ARID4B: variants seen among roughly 807,000 people sequenced by gnomAD.
The protein encoded by ARID4B is AT-rich interactive domain-containing protein 4B.
In ARID4B, 26 loss-of-function variants were observed where a neutral mutation model predicts 147.5. That is an observed-to-expected ratio of 0.18 (90% confidence interval 0.13 to 0.24). The LOEUF is 0.24. Among genes scored for constraint, ARID4B ranks in the 10% least tolerant of loss-of-function variants. The pLI is 1.00. For synonymous variants in ARID4B, 512 were observed against 507.9 expected (o/e 1.01, Z -0.11); for missense variants, 1,179 against 1,511.5 (o/e 0.78, Z 3.65).
At position 235,194,131 on chromosome 1, in the gene ARID4B, T is replaced by A; in HGVS notation, c.2007A>T (p.Pro669=). Residue 669 remains proline, a synonymous_variant, in exon 19 of 24, where the codon CCA becomes CCT. Transcript: ENST00000264183. ...NCKLRRLSKP[P]FQTNPSPEMV... ...TTTCAGGAGATGGATTTGTCTGAAA[T>A]GGTGGTTTGGACAAGCGCCGAAGTT... 1 of 1,613,442 alleles carries A rather than the reference T, an allele frequency of 6.2e-7. No individual in the cohort carries two copies. The highest frequency in any genetic ancestry group is 1.3e-5 in the African/African-American group (1 of 75,020).
At chr1:235,257,433 T>C (rs1407549591) in intron 3 of ARID4B, among the ~76,000 whole-genome samples, 1 of 152,088 alleles carries the variant, frequency 6.6e-6, no homozygotes, top group Non-Finnish European at 1.5e-5. Context: ...AAGTAATCAA[T>C]GATAGCACAT....
chr1:235,196,853 CAAAAA>C (rs34581094), intron 17 of ARID4B, among the ~76,000 whole-genome samples: 3 of 88,578 alleles, frequency 3.4e-5, no homozygotes, highest in African/African-American at 1.4e-4. Context: ...CTCTGTTTCA[CAAAAA>C]AAAAAAAAAA....
chr1:235,213,754 T>C lies in ARID4B; in HGVS notation c.1841+15A>G. ...TTGTTTTTAGGTAATAATCACTAGCTAAAACTCAAGTTACCTCACATTCCA... is the reference window on the plus strand; with the variant it reads ...TTGTTTTTAGGTAATAATCACTAGCCAAAACTCAAGTTACCTCACATTCCA... On this transcript the variant is annotated intron_variant, in intron 17 of 23. Transcript: ENST00000264183. 2 of 1,602,930 alleles carry C rather than the reference T, an allele frequency of 1.2e-6. No homozygotes were observed. Among genetic ancestry groups the C allele is most frequent in the Non-Finnish European group, 1.7e-6 (2 of 1,173,470 alleles).
rs1380431778 is a variant in ARID4B, at chr1:235,182,684, T to C, written c.2235A>G (p.Arg745=). ...ESKIDHLTNN[R]NDLISKEEQN... ...GTTCCTCCTTTGAAATAAGATCATT[T>C]CTGTTGTTGGTCAAATGATCAATCT... The change falls in exon 20 of 24, where the codon AGA becomes AGG. Residue 745 remains arginine, a synonymous_variant. Coordinates refer to ENST00000264183, the MANE Select transcript of ARID4B (RefSeq NM_016374.6). The C allele has an allele frequency of 6.2e-7, 1 of 1,613,748 alleles. No homozygotes were observed.
At position 235,227,946 on chromosome 1, in the gene ARID4B, C is replaced by T. The variant is rs529817592; in HGVS notation, c.897+1285G>A. Among the ~76,000 whole-genome samples the T allele has an allele frequency of 3.4e-4, 52 of 151,540 alleles. 1 individual carries two copies. The South Asian group carries it at 8.6e-3, about 25-fold the overall frequency. Reference sequence around the variant, plus strand: ...CTCCCGGGTTCAAGCAATTCTACTGCCTCAGCCTCCCGAGTAGCTGGGATT... The same window carrying T: ...CTCCCGGGTTCAAGCAATTCTACTGTCTCAGCCTCCCGAGTAGCTGGGATT... On this transcript the variant is annotated intron_variant, in intron 11 of 23. Coordinates refer to ENST00000264183, the MANE Select transcript of ARID4B (RefSeq NM_016374.6).
rs925591735 is a variant in ARID4B, at chr1:235,230,441, CAAAAA to C, written c.742+667_742+671del. Among the ~76,000 whole-genome samples the C allele has an allele frequency of 6.7e-4, 67 of 100,382 alleles. 1 individual carries two copies. The highest frequency in any genetic ancestry group is 5.2e-3 in the Middle Eastern group (1 of 194). 65.9% of individuals were successfully genotyped at this position (100,382 alleles called of 152,430 possible). On this transcript the variant is annotated intron_variant, in intron 10 of 23. Coordinates refer to ENST00000264183, the MANE Select transcript of ARID4B (RefSeq NM_016374.6). ...CAAAACAAAACAAAACAAAACAAAA[CAAAAA>C]AAACAACAACACAAAGTTACTTTGA...
intron 21 of ARID4B, chr1:235,175,762 G>A (rs1663825056): frequency 5.2e-6 from 1 of 190,902 alleles, no homozygotes; most frequent in African/African-American, 2.4e-5. Context: ...CAATGAATAT[G>A]TAACATTGGG....
intron 2 of ARID4B, among the ~76,000 whole-genome samples, chr1:235,275,718 A>G (rs901546247): frequency 2.6e-5 from 4 of 152,258 alleles, no homozygotes; most frequent in Non-Finnish European, 4.4e-5. Context: ...TATCAAATAC[A>G]GTTACAATTC....
chr1:235,256,330 G>A (rs1475253082), intron 4 of ARID4B, among the ~76,000 whole-genome samples: 4 of 151,946 alleles, frequency 2.6e-5, no homozygotes, highest in African/African-American at 9.7e-5. Context: ...GAACCCCCAG[G>A]GTCAGTAGAC....
chr1:235,170,010 A>C (rs1663229537), intron 23 of ARID4B, among the ~76,000 whole-genome samples: 1 of 152,122 alleles, frequency 6.6e-6, no homozygotes, highest in South Asian at 2.1e-4. Context: ...AAATACATGC[A>C]CAGATTTAAA....
chr1:235,271,241 G>A (rs1489336973), intron 2 of ARID4B, among the ~76,000 whole-genome samples: 1 of 152,100 alleles, frequency 6.6e-6, no homozygotes, highest in Non-Finnish European at 1.5e-5. Flanking sequence ...TATGGTCCCA[G>A]CTACTAAGGA....
At chr1:235,205,529 A>T (rs1310333040) in intron 17 of ARID4B, among the ~76,000 whole-genome samples, 1 of 152,204 alleles carries the variant, frequency 6.6e-6, no homozygotes, top group Non-Finnish European at 1.5e-5. Flanking sequence ...CTTAGAAGAA[A>T]ACATAAAGGA....
At chr1:235,189,667 CAGG>C (rs1219105185) in intron 19 of ARID4B, among the ~76,000 whole-genome samples, 1 of 151,776 alleles carries the variant, frequency 6.6e-6, no homozygotes, top group African/African-American at 2.4e-5. Flanking sequence ...GAGGCTGAGG[CAGG>C]AGGACTGCTT....
At chr1:235,284,152 G>A (rs920754515) in intron 2 of ARID4B, among the ~76,000 whole-genome samples, 6 of 151,976 alleles carry the variant, frequency 3.9e-5, no homozygotes, top group African/African-American at 2.4e-5. Flanking sequence ...ACTGAAGGTC[G>A]GAGTTCGACA....
chr1:235,207,293 T>C (rs768871141), intron 17 of ARID4B, among the ~76,000 whole-genome samples: 3 of 152,044 alleles, frequency 2.0e-5, no homozygotes, highest in Non-Finnish European at 4.4e-5. Flanking sequence ...AAGAAGGACA[T>C]AGAGAATTAA....
chr1:235,261,049 C>T (rs1219349118), intron 2 of ARID4B, among the ~76,000 whole-genome samples: 1 of 152,002 alleles, frequency 6.6e-6, no homozygotes, highest in Non-Finnish European at 1.5e-5. Context: ...CTCATTCATT[C>T]AAATATTTAT....
intron 7 of ARID4B, among the ~76,000 whole-genome samples, chr1:235,245,825 T>C (rs185910750): frequency 2.5e-4 from 38 of 152,280 alleles, no homozygotes; most frequent in African/African-American, 7.7e-4. Context: ...GTAATATTAT[T>C]ATCCAAATTT....
chr1:235,253,454 T>C (rs72756079), intron 5 of ARID4B, among the ~76,000 whole-genome samples: 1 of 152,028 alleles, frequency 6.6e-6, no homozygotes, highest in African/African-American at 2.4e-5. Context: ...GGTAAATTCA[T>C]CCCAGTTGAA....
At chr1:235,216,088 G>A (rs1438649399) in intron 16 of ARID4B, among the ~76,000 whole-genome samples, 2 of 152,004 alleles carry the variant, frequency 1.3e-5, no homozygotes, top group Non-Finnish European at 2.9e-5. Flanking sequence ...GTATAGTGGG[G>A]CAGGAGTGTT....
Sources: allele counts gnomAD v4.1 joint callset (sites outside exome capture counted in the v4.1 genomes callset), GRCh38; gene constraint gnomAD v4.1.1; transcripts MANE v1.5; gene names NCBI Gene and HGNC (gene_info 2026-07-23, HGNC 2026-07-21).